Variants in OPRM1 observed in about 807,000 individuals in gnomAD.
OPRM1 encodes the protein mu-type opioid receptor.
OPRM1 carries 27 observed loss-of-function variants against 31.8 expected under a neutral mutation model. The ratio of observed to expected loss-of-function variants is 0.85; its 90% CI spans 0.63 to 1.17. The LOEUF (loss-of-function observed/expected upper bound fraction) is 1.17, where lower values mean the gene tolerates loss of function less well. OPRM1 is among the 50% of genes most tolerant of loss of function. OPRM1 has a pLI of 0.00. For synonymous variants in OPRM1, 196 were observed against 189.9 expected (o/e 1.03, Z -0.26); for missense variants, 536 against 511.1 (o/e 1.05, Z -0.47).
chr6:154,093,413 C>A, intron 3 of OPRM1: 2 of 1,614,168 alleles, frequency 1.2e-6, no homozygotes, highest in Non-Finnish European at 1.7e-6. Context: ...ATACTGCTCC[C>A]AGCCCGTCTG....
intron 3 of OPRM1, among the ~76,000 whole-genome samples, chr6:154,112,123 G>A (rs1177549503): frequency 6.6e-6 from 1 of 152,136 alleles, no homozygotes; most frequent in Admixed American, 6.6e-5. Flanking sequence ...AGAGAGTTGT[G>A]TTACATCTAT....
chr6:154,183,217 G>C (rs1252435180), intron 3 of OPRM1, among the ~76,000 whole-genome samples: 1 of 152,130 alleles, frequency 6.6e-6, no homozygotes, highest in Non-Finnish European at 1.5e-5. Flanking sequence ...CTGACCTCGT[G>C]ATCTGCCCAT....
At chr6:154,206,167 C>T (rs2128598732) in intron 3 of OPRM1, among the ~76,000 whole-genome samples, 1 of 152,226 alleles carries the variant, frequency 6.6e-6, no homozygotes, top group African/African-American at 2.4e-5. Flanking sequence ...AAGTGATATC[C>T]CATAAAGAAT....
intron 3 of OPRM1, among the ~76,000 whole-genome samples, chr6:154,170,478 C>T (rs1799785813): frequency 6.6e-6 from 1 of 152,204 alleles, no homozygotes; most frequent in African/African-American, 2.4e-5. Flanking sequence ...CCCAGAAAGT[C>T]ACCAATACTC....
At position 154,130,639 on chromosome 6, in the gene OPRM1, C is replaced by T. The variant is rs642393; in HGVS notation, c.*11918C>T. On this transcript the variant is annotated 3_prime_UTR_variant, in exon 4 of 4. Transcript: ENST00000330432. ...AGTTAGAAATACTAGTATATATATT[C>T]CCTTTATATACTAATTGTATATCCA... Among the ~76,000 whole-genome samples the T allele has an allele frequency of 0.17, 26,332 of 151,860 alleles. 2,758 individuals carry two copies. Among genetic ancestry groups the T allele is most frequent in the Non-Finnish European group, 0.24 (16,312 of 67,944 alleles).
chr6:154,030,363 T>G lies in OPRM1; in HGVS notation c.1-8798T>G, dbSNP rs919564746. Among the ~76,000 whole-genome samples, 4 of 152,242 alleles carry G rather than the reference T, an allele frequency of 2.6e-5. No homozygotes were observed. In the Middle Eastern group the frequency reaches 0.01, roughly 388 times the overall value. ...ACTTTTCTTTTATACCCAGAAAAATTTTAAAGATTCAAAACAGGACTATGT... is the reference window on the plus strand; with the variant it reads ...ACTTTTCTTTTATACCCAGAAAAATGTTAAAGATTCAAAACAGGACTATGT... On this transcript the variant is annotated intron_variant, in intron 1 of 5. Coordinates refer to the OPRM1 transcript ENST00000434900.
intron 3 of OPRM1, among the ~76,000 whole-genome samples, chr6:154,171,439 A>G (rs1799861857): frequency 6.6e-6 from 1 of 152,174 alleles, no homozygotes; most frequent in Non-Finnish European, 1.5e-5. Context: ...GACAGAAACC[A>G]GAATAATAAT....
intron 3 of OPRM1, among the ~76,000 whole-genome samples, chr6:154,162,150 T>C (rs1194428117): frequency 6.6e-6 from 1 of 152,140 alleles, no homozygotes. Flanking sequence ...GGCCAATCCC[T>C]CCACTTGGGC....
rs566862334 is a variant in OPRM1 at position 154,242,721 on chromosome 6, T to C, written c.1165-3972T>C. 7.9e-5 allele frequency among the ~76,000 whole-genome samples: 12 copies of C among 152,234 alleles called. No homozygotes were observed. The East Asian group carries it at 2.3e-3, about 29-fold the overall frequency. On this transcript the variant is annotated intron_variant, in intron 3 of 3. Coordinates refer to the OPRM1 transcript ENST00000337049. ...GGCCAAGGTGGTGAAACCTTGTCTC[T>C]ACTAAAAATACAAAAATTAGCGGGG...
intron 3 of OPRM1, chr6:154,156,242 C>G (rs2128543916): frequency 6.6e-6 from 1 of 152,366 alleles, no homozygotes; most frequent in Middle Eastern, 3.4e-3. Flanking sequence ...TGCTCAAGCA[C>G]AGAGAGGGCC....
intron 1 of OPRM1, among the ~76,000 whole-genome samples, chr6:154,053,765 G>A (rs1056552519): frequency 1.3e-5 from 2 of 152,182 alleles, no homozygotes; most frequent in Admixed American, 6.5e-5. Context: ...GAATTCTTTA[G>A]ATTAGCCAGA....
In OPRM1 at chr6:154,127,067, G is replaced by A. The variant is rs1398108966; in HGVS notation, c.*8346G>A. 3.4e-5 allele frequency among the ~76,000 whole-genome samples: 5 copies of A among 148,276 alleles called. No homozygotes were observed. Among genetic ancestry groups the A allele is most frequent in the Non-Finnish European group, 4.4e-5 (3 of 67,682 alleles). On this transcript the variant is annotated 3_prime_UTR_variant, in exon 4 of 4. Transcript: ENST00000330432. Reference sequence around the variant, plus strand: ...GAAGTTGCAGTGAGCCAAGATCGCAGCATTGCACTCCAGCCTGGGCAACAG... The same window carrying A: ...GAAGTTGCAGTGAGCCAAGATCGCAACATTGCACTCCAGCCTGGGCAACAG...
chr6:154,090,667 T>C (rs1229711702), intron 2 of OPRM1, among the ~76,000 whole-genome samples: 1 of 152,220 alleles, frequency 6.6e-6, no homozygotes, highest in African/African-American at 2.4e-5. Context: ...ATAGACCTCA[T>C]GGAGGATCTA....
intron 3 of OPRM1, among the ~76,000 whole-genome samples, chr6:154,110,010 T>G (rs1236720777): frequency 1.3e-5 from 2 of 152,168 alleles, no homozygotes; most frequent in Non-Finnish European, 2.9e-5. Context: ...CTATTCAAAA[T>G]TCAATGTTTC....
At chr6:154,159,639 C>T (rs912243253) in intron 3 of OPRM1, 36 of 596,408 alleles carry the variant, frequency 6.0e-5, no homozygotes, top group Admixed American at 2.0e-4. Flanking sequence ...TCAATGGATG[C>T]GTTACGACTG....
At chr6:154,152,337 AAG>A (rs1491460698) in intron 3 of OPRM1, among the ~76,000 whole-genome samples, 3 of 13,076 alleles carry the variant, frequency 2.3e-4, no homozygotes, top group African/African-American at 6.1e-4. Flanking sequence ...GAAAGAAAGA[AAG>A]AAAGAAAGGA....
At position 154,123,917 on chromosome 6, in the gene OPRM1, C is replaced by G. The variant is rs528953103; in HGVS notation, c.*5196C>G. ...CTTTTATCAGTAAGATCTTCGTGACCTGTACCTTGTGCCAACCTCCTATCT... is the reference window on the plus strand; with the variant it reads ...CTTTTATCAGTAAGATCTTCGTGACGTGTACCTTGTGCCAACCTCCTATCT... On this transcript the variant is annotated 3_prime_UTR_variant, in exon 4 of 4. Transcript: ENST00000330432. 6.6e-6 allele frequency among the ~76,000 whole-genome samples: 1 copy of G among 152,268 alleles called. No homozygotes were observed. Among genetic ancestry groups the G allele is most frequent in the East Asian group, 1.9e-4 (1 of 5,182 alleles).
At chr6:154,079,450 C>T (rs999878023) in intron 1 of OPRM1, among the ~76,000 whole-genome samples, 1 of 152,138 alleles carries the variant, frequency 6.6e-6, no homozygotes, top group African/African-American at 2.4e-5. Context: ...GAGAGATAAT[C>T]AGGCTCAGTC....
chr6:154,196,836 C>T (rs1562535579), intron 3 of OPRM1, among the ~76,000 whole-genome samples: 1 of 152,082 alleles, frequency 6.6e-6, no homozygotes, highest in Non-Finnish European at 1.5e-5. Context: ...CAATTAACAC[C>T]CTGATTTTAT....
Sources: allele counts gnomAD v4.1 joint callset (sites outside exome capture counted in the v4.1 genomes callset), GRCh38; gene constraint gnomAD v4.1.1; transcripts MANE v1.5; gene names NCBI Gene and HGNC (gene_info 2026-07-23, HGNC 2026-07-21).